Variants in SLC30A5 observed in about 807,000 individuals in gnomAD.
SLC30A5 encodes the protein solute carrier family 30 member 5.
In SLC30A5, 33 loss-of-function variants were observed where a neutral mutation model predicts 79.6. That is an observed-to-expected ratio of 0.41 (90% confidence interval 0.31 to 0.55). The LOEUF is 0.55. Ranked by LOEUF, SLC30A5 falls within the 20% of genes least tolerant of loss-of-function variation. SLC30A5 has a pLI of 0.20. For synonymous variants in SLC30A5, 299 were observed against 319.7 expected (o/e 0.94, Z 0.69); for missense variants, 788 against 928.1 (o/e 0.85, Z 1.96).
intron 5 of SLC30A5, among the ~76,000 whole-genome samples, chr5:69,110,648 T>TG (rs1170264949): frequency 7.8e-6 from 1 of 127,668 alleles, no homozygotes; most frequent in African/African-American, 2.6e-5. Flanking sequence ...ATAAAAGCAG[T>TG]GGAAAAAATC....
At chr5:69,106,578 G>A (rs1402260298) in intron 4 of SLC30A5, among the ~76,000 whole-genome samples, 2 of 152,110 alleles carry the variant, frequency 1.3e-5, no homozygotes, top group Non-Finnish European at 2.9e-5. Context: ...GGAAGCCGAG[G>A]TGGGCAGATA....
At chr5:69,126,784 A>T (rs1376615650) in intron 14 of SLC30A5, among the ~76,000 whole-genome samples, 7 of 150,580 alleles carry the variant, frequency 4.6e-5, no homozygotes, top group Non-Finnish European at 7.4e-5. Context: ...AAACAAACAA[A>T]CAAACAACAA....
chr5:69,102,009 A>G (rs1008353126), intron 2 of SLC30A5, among the ~76,000 whole-genome samples: 1 of 150,398 alleles, frequency 6.6e-6, no homozygotes, highest in Non-Finnish European at 1.5e-5. Flanking sequence ...TAAGTTGGGA[A>G]AGAGATTATT....
intron 13 of SLC30A5, among the ~76,000 whole-genome samples, chr5:69,122,562 G>A (rs1164232927): frequency 6.6e-6 from 1 of 152,186 alleles, no homozygotes; most frequent in African/African-American, 2.4e-5. Context: ...GCTGAGACAC[G>A]AGAATCACTT....
At position 69,116,535 on chromosome 5, in the gene SLC30A5, A is replaced by G. The variant is rs751355189; in HGVS notation, c.1214A>G (p.Glu405Gly). The change falls in exon 10 of 16, where the codon GAA becomes GGA. Residue 405 changes from glutamate to glycine, a missense_variant. Glu to Gly is a moderately conservative substitution (Grantham distance 98). Coordinates refer to ENST00000396591, the MANE Select transcript of SLC30A5 (RefSeq NM_022902.5). The surrounding 1 kb of genome is among the most constrained non-coding windows in gnomAD (Gnocchi z 4.0). ...CAATCGATCCCTAGGTTTATTAAGG[A>G]ATCACTAAAACAAATTCTTGAGGAG... is the stretch of plus-strand genomic sequence containing the variant. Reference protein sequence around the residue: ...SSQSIPRFIKESLKQILEESD... With the variant: ...SSQSIPRFIKGSLKQILEESD... 2 of 1,611,378 alleles carry G rather than the reference A, an allele frequency of 1.2e-6. No individual in the cohort carries two copies. Among genetic ancestry groups the G allele is most frequent in the East Asian group, 2.2e-5 (1 of 44,824 alleles).
intron 6 of SLC30A5, among the ~76,000 whole-genome samples, chr5:69,113,724 T>C (rs1746292730): frequency 6.6e-6 from 1 of 152,214 alleles, no homozygotes; most frequent in Non-Finnish European, 1.5e-5. Context: ...CTCATTTTAC[T>C]CTACAAACAT....
chr5:69,113,099 C>A, intron 5 of SLC30A5, 41 bp from the exon 6 acceptor site: 2 of 1,535,534 alleles, frequency 1.3e-6, no homozygotes, highest in South Asian at 2.3e-5. Flanking sequence ...AAAATCAACC[C>A]TTGAAAAAGT....
chr5:69,117,280 T>C lies in SLC30A5; in HGVS notation c.1323T>C (p.Asn441=), dbSNP rs748826202. 6.2e-7 allele frequency: 1 copy of C among 1,613,902 alleles called. No homozygotes were observed. The highest frequency in any genetic ancestry group is 8.5e-7 in the Non-Finnish European group (1 of 1,179,892). The change falls in exon 11 of 16, where the codon AAT becomes AAC. Residue 441 remains asparagine (N), a synonymous_variant. Coordinates refer to ENST00000396591, the MANE Select transcript of SLC30A5 (RefSeq NM_022902.5). ...FVELFYGVLT[N]SLGLISDGFH... is the part of the protein sequence containing the mutation. ...AATTATTCTATGGCGTGCTGACCAA[T>C]AGTCTGGGCCTGATCTCGGATGGAT... is the stretch of plus-strand genomic sequence containing the variant.
chr5:69,096,183 G>A (rs1580161001), intron 1 of SLC30A5, among the ~76,000 whole-genome samples: 2 of 152,210 alleles, frequency 1.3e-5, no homozygotes, highest in Admixed American at 6.5e-5. Flanking sequence ...CATGAAGTAT[G>A]TAACTTACTC....
intron 11 of SLC30A5, 65 bp downstream of exon 11, chr5:69,117,461 A>G (rs1441097671): frequency 2.4e-6 from 3 of 1,231,464 alleles, no homozygotes; most frequent in Non-Finnish European, 3.4e-6. Context: ...GAACAGAATT[A>G]TATTACTTAT....
intron 3 of SLC30A5, among the ~76,000 whole-genome samples, chr5:69,103,375 T>C (rs1285119228): frequency 6.6e-6 from 1 of 152,192 alleles, no homozygotes; most frequent in African/African-American, 2.4e-5. Flanking sequence ...ATTGTTTTCT[T>C]CAGTACACAC....
chr5:69,102,169 G>T (rs1160218035), intron 2 of SLC30A5, among the ~76,000 whole-genome samples: 1 of 146,650 alleles, frequency 6.8e-6, no homozygotes, highest in Non-Finnish European at 1.5e-5. Context: ...TTCTGTCTCA[G>T]CCTCCTGAGT....
intron 5 of SLC30A5, among the ~76,000 whole-genome samples, chr5:69,110,120 T>C (rs919771401): frequency 2.0e-5 from 3 of 152,178 alleles, no homozygotes; most frequent in African/African-American, 7.2e-5. Flanking sequence ...GATAAACTCC[T>C]CTACACTCCC....
rs374303902 is a variant in SLC30A5, at chr5:69,104,600, A to G, written c.274-31A>G. 9 of 1,498,168 alleles carry G rather than the reference A, an allele frequency of 6.0e-6. No individual in the cohort carries two copies. In the African/African-American group the frequency reaches 1.3e-4, roughly 22 times the overall value. 92.8% of individuals were successfully genotyped at this position (1,498,168 alleles called of 1,614,324 possible). A position where few individuals can be genotyped will look rare whatever the true frequency, so the allele number is the denominator to read the frequency against. The stretch of plus-strand genomic sequence containing the variant: ...ATATATAGCAAAATATATGTGACTG[A>G]AATTTTTAATTTTTTTGTTTCCATT... On this transcript the variant is annotated intron_variant, in intron 3 of 15. Coordinates refer to ENST00000396591, the MANE Select transcript of SLC30A5 (RefSeq NM_022902.5).
At chr5:69,100,725 G>T in intron 1 of SLC30A5, 82 bp from the exon 2 acceptor site, 2 of 1,184,018 alleles carry the variant, frequency 1.7e-6, no homozygotes, top group Non-Finnish European at 1.2e-6. Context: ...TTTCTGTAAT[G>T]ACCTCTTGTT....
intron 12 of SLC30A5, among the ~76,000 whole-genome samples, chr5:69,119,837 T>C (rs1012344037): frequency 1.3e-5 from 2 of 151,866 alleles, no homozygotes; most frequent in Admixed American, 6.6e-5. Context: ...CTGGTCAACA[T>C]AGTGAAACCC....
At chr5:69,113,684 G>A (rs141840827) in intron 6 of SLC30A5, among the ~76,000 whole-genome samples, 1 of 152,186 alleles carries the variant, frequency 6.6e-6, no homozygotes, top group East Asian at 1.9e-4. Flanking sequence ...TTCTCTTACA[G>A]AAACCCAACT....
chr5:69,129,764 A>C lies in SLC30A5; in HGVS notation c.*147A>C. On this transcript the variant is annotated 3_prime_UTR_variant, in exon 16 of 16. Coordinates refer to ENST00000396591, the MANE Select transcript of SLC30A5 (RefSeq NM_022902.5). ...GGATCAAGGAATCTTTCTTGAAGGA[A>C]ATTTAAATACAGAATGAAACATTAA... 5.2e-6 allele frequency: 3 copies of C among 574,742 alleles called. No homozygotes were observed. Among genetic ancestry groups the C allele is most frequent in the Non-Finnish European group, 8.5e-6 (3 of 353,216 alleles). The allele number at this position is 574,742 out of a possible 1,614,324, so 35.6% of individuals were successfully genotyped here.
intron 8 of SLC30A5, 30 bp downstream of exon 8, chr5:69,115,437 T>C: frequency 6.5e-7 from 1 of 1,537,108 alleles, no homozygotes; most frequent in South Asian, 1.2e-5. Flanking sequence ...TTATTGGTAT[T>C]AAATTGCTAG....
Sources: gnomAD v4.1 joint callset for allele counts (sites outside exome capture counted in the v4.1 genomes callset) on GRCh38, gnomAD v4.1.1 for gene constraint, Gnocchi (gnomAD v3.1) non-coding constraint, MANE v1.5 for transcripts, NCBI Gene and HGNC (gene_info 2026-07-23, HGNC 2026-07-21) for gene names.